C20orf203: variants seen among roughly 807,000 people sequenced by gnomAD.
C20orf203 encodes chromosome 20 open reading frame 203, also known as uncharacterized protein C20orf203.
Under a neutral mutation model 15.9 loss-of-function variants are expected in C20orf203, and 16 were observed. The ratio of observed to expected loss-of-function variants is 1.01; its 90% CI spans 0.68 to 1.53. The LOEUF (loss-of-function observed/expected upper bound fraction) is 1.53. Among genes scored for constraint, C20orf203 ranks in the 40% most tolerant of loss-of-function variants. C20orf203 has a pLI of 0.00. For missense variants in C20orf203, 263 were observed against 247.5 expected (o/e 1.06, Z -0.42); for synonymous variants, 98 against 97.2 (o/e 1.01, Z -0.05).
intron 5 of C20orf203, among the ~76,000 whole-genome samples, chr20:32,639,102 G>GCCCTGGCTC (rs1982210703): frequency 6.6e-6 from 1 of 152,230 alleles, no homozygotes; most frequent in African/African-American, 2.4e-5. Flanking sequence ...AGGATGCAGA[G>GCCCTGGCTC]CCCTGGCTCC....
intron 1 of C20orf203, among the ~76,000 whole-genome samples, chr20:32,670,599 C>T (rs200995078): frequency 2.6e-5 from 4 of 152,032 alleles, no homozygotes; most frequent in East Asian, 3.9e-4. Flanking sequence ...TTTGGGAAGC[C>T]GAGGTGGGCG....
At chr20:32,641,599 T>C (rs1982282447) in intron 4 of C20orf203, among the ~76,000 whole-genome samples, 1 of 152,134 alleles carries the variant, frequency 6.6e-6, no homozygotes, top group Non-Finnish European at 1.5e-5. Context: ...TGTATGAGGG[T>C]TGCAATTTCT....
intron 1 of C20orf203, among the ~76,000 whole-genome samples, chr20:32,663,832 G>C (rs975533168): frequency 3.3e-5 from 5 of 152,222 alleles, no homozygotes; most frequent in Non-Finnish European, 7.3e-5. Context: ...TGTCCCCGGA[G>C]GGACCAGCCA....
chr20:32,666,477 A>AG (rs1983028808), intron 1 of C20orf203, among the ~76,000 whole-genome samples: 1 of 151,496 alleles, frequency 6.6e-6, no homozygotes, highest in Admixed American at 6.6e-5. Context: ...AAAAAAAAAA[A>AG]AAAAGTCCAG....
chr20:32,665,810 A>T (rs1157897048), intron 1 of C20orf203, among the ~76,000 whole-genome samples: 5 of 152,072 alleles, frequency 3.3e-5, no homozygotes, highest in African/African-American at 1.2e-4. Context: ...CTTAAAAAAA[A>T]ATTTTTTTTT....
chr20:32,660,025 T>A (rs1265005883), intron 1 of C20orf203, among the ~76,000 whole-genome samples: 2 of 152,160 alleles, frequency 1.3e-5, no homozygotes, highest in African/African-American at 4.8e-5. Context: ...GCGCATTTGC[T>A]CTTCTCAGCA....
intron 4 of C20orf203, among the ~76,000 whole-genome samples, chr20:32,648,298 G>A (rs1392205768): frequency 1.3e-5 from 2 of 151,982 alleles, no homozygotes; most frequent in African/African-American, 4.8e-5. Context: ...CCATCATTCA[G>A]GTTCTGCTCA....
rs1600922709 is a variant in C20orf203, at chr20:32,633,744, C to T, written c.*1826G>A. 1 of 333,910 alleles carries T rather than the reference C, an allele frequency of 3.0e-6. No individual in the cohort carries two copies. The highest frequency in any genetic ancestry group is 5.4e-6 in the Non-Finnish European group (1 of 185,408). 20.7% of individuals were successfully genotyped at this position (333,910 alleles called of 1,614,324 possible). ...GGTCCTTGTCTGTAACCTGGTGGTG[C>T]CTCCTGCCTCTGACTCCTCCGGCCA... On this transcript the variant is annotated 3_prime_UTR_variant, in exon 6 of 6. Coordinates refer to ENST00000608990, the MANE Select transcript of C20orf203 (RefSeq NM_182584.4).
At chr20:32,658,663 T>C (rs1982818241) in intron 1 of C20orf203, among the ~76,000 whole-genome samples, 1 of 152,202 alleles carries the variant, frequency 6.6e-6, no homozygotes, top group Non-Finnish European at 1.5e-5. Flanking sequence ...TAATCACTTC[T>C]ACAGACAGAA....
chr20:32,654,885 C>T (rs1982718444), intron 1 of C20orf203, among the ~76,000 whole-genome samples: 1 of 152,274 alleles, frequency 6.6e-6, no homozygotes, highest in Non-Finnish European at 1.5e-5. Flanking sequence ...GGAGTGCACA[C>T]ACTTCCAATT....
intron 2 of C20orf203, among the ~76,000 whole-genome samples, 183 bp from the exon 3 acceptor site, chr20:32,651,349 A>C (rs1982622901): frequency 6.7e-6 from 1 of 149,372 alleles, no homozygotes; most frequent in African/African-American, 2.4e-5. Context: ...ACCCTATTCA[A>C]AAAAAAAAAG....
chr20:32,639,417 G>C (rs1982220464), intron 5 of C20orf203, among the ~76,000 whole-genome samples: 1 of 152,132 alleles, frequency 6.6e-6, no homozygotes, highest in African/African-American at 2.4e-5. Flanking sequence ...ACGAACCCCA[G>C]TTCCACCCTG....
At chr20:32,637,200 G>T (rs762563735) in intron 5 of C20orf203, among the ~76,000 whole-genome samples, 1 of 152,212 alleles carries the variant, frequency 6.6e-6, no homozygotes, top group Non-Finnish European at 1.5e-5. Flanking sequence ...ATCTCCTGAG[G>T]TCAGGAGCTT....
At chr20:32,670,278 G>A (rs1163360187) in intron 1 of C20orf203, among the ~76,000 whole-genome samples, 2 of 152,032 alleles carry the variant, frequency 1.3e-5, no homozygotes, top group Non-Finnish European at 2.9e-5. Context: ...CCTGAGGCGG[G>A]CGGATCACCT....
At chr20:32,636,288 G>T (rs1283578059) in intron 5 of C20orf203, among the ~76,000 whole-genome samples, 1 of 152,162 alleles carries the variant, frequency 6.6e-6, no homozygotes, top group African/African-American at 2.4e-5. Context: ...AACACCCTTC[G>T]CTTAGATTTG....
Position 32,651,167 on chromosome 20 carries a change from C to CA in C20orf203, c.-14-2_-14-1insT. 1 of 341,334 alleles carries CA rather than the reference C, an allele frequency of 2.9e-6. No homozygotes were observed. The highest frequency in any genetic ancestry group is 4.8e-6 in the Non-Finnish European group (1 of 206,192). The allele number at this position is 341,334 out of a possible 1,614,324, so 21.1% of individuals were successfully genotyped here. A position where few individuals can be genotyped will look rare whatever the true frequency, so the allele number is the denominator to read the frequency against. ...CTAGGAAACATAGGAGACCCTCTCT[C>CA]TAAAAAAAAAAAAAAAAAAAAAAAA... is the stretch of plus-strand genomic sequence containing the variant. On this transcript the variant is annotated splice_acceptor_variant, in intron 2 of 5. Transcript: ENST00000608990. LOFTEE classifies it low-confidence loss of function (5UTR_SPLICE).
intron 5 of C20orf203, among the ~76,000 whole-genome samples, chr20:32,636,458 G>T (rs1982141330): frequency 6.6e-6 from 1 of 152,170 alleles, no homozygotes; most frequent in Admixed American, 6.6e-5. Flanking sequence ...TTTGGCCCCA[G>T]TGGATAACCT....
rs774546071 is a variant in C20orf203, at chr20:32,650,737, G to A, written c.280C>T (p.Gln94Ter). ...PPPPQHPGPY[Q>*]ERIWVGGEGW... ...TCCCCACCAACCCAAATCCTTTCCT[G>A]ATAAGGGCCTGGGTGTTGCGGAGGA... The change falls in exon 4 of 6, where the codon CAG (glutamine) becomes TAG (stop). Residue 94 changes from glutamine (Q) to a stop codon, truncating the protein, a stop_gained. Transcript: ENST00000608990. LOFTEE classifies it high-confidence loss of function. 1 of 1,541,572 alleles carries A rather than the reference G, an allele frequency of 6.5e-7. No individual in the cohort carries two copies. Among genetic ancestry groups the A allele is most frequent in the African/African-American group, 1.4e-5 (1 of 72,940 alleles).
Position 32,650,107 on chromosome 20 carries a change from C to T in C20orf203, c.*325G>A. 1 of 305,090 alleles carries T rather than the reference C, an allele frequency of 3.3e-6. No individual in the cohort carries two copies. The highest frequency in any genetic ancestry group is 6.2e-6 in the Non-Finnish European group (1 of 161,950). The allele number at this position is 305,090 out of a possible 1,614,324, so 18.9% of individuals were successfully genotyped here. ...CTCCTCCCAGCACTCAGGGACCAAG[C>T]CAGAGAGATGTGCCAGCGCCTCCCA... On this transcript the variant is annotated 3_prime_UTR_variant, in exon 4 of 6. Coordinates refer to ENST00000608990, the MANE Select transcript of C20orf203 (RefSeq NM_182584.4).
Sources: gnomAD v4.1 joint callset for allele counts (sites outside exome capture counted in the v4.1 genomes callset) on GRCh38, gnomAD v4.1.1 for gene constraint, MANE v1.5 for transcripts, NCBI Gene and HGNC (gene_info 2026-07-23, HGNC 2026-07-21) for gene names.